ACBD3: variants seen among roughly 807,000 people sequenced by gnomAD.
ACBD3 encodes acyl-CoA binding domain containing 3.
In ACBD3, 30 loss-of-function variants were observed where a neutral mutation model predicts 66.9. That is an observed-to-expected ratio of 0.45 (90% CI 0.34 to 0.61). The LOEUF is 0.61. Among genes scored for constraint, ACBD3 ranks in the 20% least tolerant of loss-of-function variants. The pLI is 0.02. For missense variants in ACBD3, 544 were observed against 664.5 expected (o/e 0.82, Z 1.99); for synonymous variants, 278 against 259.8 (o/e 1.07, Z -0.68).
At chr1:226,150,382 CTTTTTT>C (rs961784244) in intron 7 of ACBD3, among the ~76,000 whole-genome samples, 1 of 151,470 alleles carries the variant, frequency 6.6e-6, no homozygotes, top group Non-Finnish European at 1.5e-5. Context: ...CAGGCTTTTT[CTTTTTT>C]TTATTTTTGA....
intron 1 of ACBD3, among the ~76,000 whole-genome samples, chr1:226,171,041 G>C (rs1165081334): frequency 6.6e-6 from 1 of 152,166 alleles, no homozygotes; most frequent in East Asian, 1.9e-4. Flanking sequence ...GGCTTCCAAA[G>C]TGCTGGGATT....
Position 226,152,404 on chromosome 1 carries a change from T to C in ACBD3, c.1306A>G (p.Thr436Ala). 8 of 1,614,238 alleles carry C rather than the reference T, an allele frequency of 5.0e-6. No homozygotes were observed. The highest frequency in any genetic ancestry group is 6.8e-6 in the Non-Finnish European group (8 of 1,180,048). The change falls in exon 7 of 8, where the codon ACA becomes GCA. Residue 436 changes from threonine (T) to alanine (A), a missense_variant. Physicochemically the swap from Thr to Ala is moderately conservative, Grantham distance 58 (BLOSUM62 0). Around this residue, in one of 3 missense-constraint regions of ACBD3, gnomAD observed 383 missense variants for 462.4 expected, o/e 0.83. Transcript: ENST00000366812. Reference sequence around the variant, plus strand: ...CTGACAGCAGTGTTTGGAGAGTCTGTCCATTCAAAATACACCCCAAACCCA... The same window carrying C: ...CTGACAGCAGTGTTTGGAGAGTCTGCCCATTCAAAATACACCCCAAACCCA... Reference protein sequence around the residue: ...DIGFGVYFEWTDSPNTAVSVH... With the variant: ...DIGFGVYFEWADSPNTAVSVH...
Position 226,164,850 on chromosome 1 carries a change from G to A in ACBD3, c.508C>T (p.His170Tyr), listed in dbSNP as rs1279181879. 1 of 1,610,968 alleles carries A rather than the reference G, an allele frequency of 6.2e-7. No homozygotes were observed. The highest frequency in any genetic ancestry group is 8.5e-7 in the Non-Finnish European group (1 of 1,178,686). ...GACGCAACATATGTTGAAAAGAGAT[G>A]GCAACACCTATTTAAGAGCTTGACA... ...EFVKLLNRCC[H>Y]LFSTYVASHK... The change falls in exon 3 of 8, where the codon CAT becomes TAT. Residue 170 changes from histidine (H) to tyrosine (Y), a missense_variant. By Grantham distance (83) the His-to-Tyr change is moderately conservative (BLOSUM62 2). Coordinates refer to ENST00000366812, the MANE Select transcript of ACBD3 (RefSeq NM_022735.4).
intron 1 of ACBD3, among the ~76,000 whole-genome samples, chr1:226,173,792 A>G (rs1655933946): frequency 9.0e-6 from 1 of 110,918 alleles, no homozygotes; most frequent in African/African-American, 3.7e-5. Context: ...ACAGAGTCTC[A>G]CTCTGTTGCC....
At chr1:226,164,116 T>TAAAAAAAAAAAAAAAAAAAAAA in intron 3 of ACBD3, among the ~76,000 whole-genome samples, 1 of 51,556 alleles carries the variant, frequency 1.9e-5, no homozygotes, top group Non-Finnish European at 3.3e-5. Flanking sequence ...GACTCCATCT[T>TAAAAAAAAAAAAAAAAAAAAAA]AAAAAAAAAA....
intron 1 of ACBD3, among the ~76,000 whole-genome samples, chr1:226,167,973 A>G (rs1659906409): frequency 6.6e-6 from 1 of 152,218 alleles, no homozygotes; most frequent in Non-Finnish European, 1.5e-5. Context: ...ATGAATGCTG[A>G]AAGTATAAAC....
intron 3 of ACBD3, among the ~76,000 whole-genome samples, chr1:226,163,888 A>G (rs944957284): frequency 6.6e-6 from 1 of 152,154 alleles, no homozygotes; most frequent in African/African-American, 2.4e-5. Flanking sequence ...TGGGAGGACC[A>G]GGCGGGTGGA....
At chr1:226,174,493 G>A (rs1165827269) in intron 1 of ACBD3, among the ~76,000 whole-genome samples, 3 of 152,178 alleles carry the variant, frequency 2.0e-5, no homozygotes, top group Non-Finnish European at 2.9e-5. Context: ...AGCCAGGTGT[G>A]GTGGCTCACG....
chr1:226,181,911 C>T (rs1296761631), intron 1 of ACBD3, among the ~76,000 whole-genome samples: 4 of 152,122 alleles, frequency 2.6e-5, no homozygotes. Flanking sequence ...GATAAGAAAA[C>T]CTAGCTTAAC....
intron 1 of ACBD3, among the ~76,000 whole-genome samples, chr1:226,168,252 T>C (rs1464593830): frequency 6.6e-6 from 1 of 152,120 alleles, no homozygotes; most frequent in Non-Finnish European, 1.5e-5. Flanking sequence ...CTGAATGTAT[T>C]CTACTCACCT....
chr1:226,150,789 C>T (rs142505010), intron 7 of ACBD3, among the ~76,000 whole-genome samples: 106 of 152,254 alleles, frequency 7.0e-4, no homozygotes, highest in African/African-American at 2.5e-3. Flanking sequence ...AACAAAATGC[C>T]GTGTAAGACA....
intron 1 of ACBD3, among the ~76,000 whole-genome samples, chr1:226,180,372 C>T (rs1334159682): frequency 6.6e-6 from 1 of 152,038 alleles, no homozygotes; most frequent in Non-Finnish European, 1.5e-5. Flanking sequence ...ATACCAATAG[C>T]CAGGCATTCT....
chr1:226,159,359 C>T lies in ACBD3; in HGVS notation c.729-1G>A. 6.2e-7 allele frequency: 1 copy of T among 1,613,868 alleles called. No individual in the cohort carries two copies. Among genetic ancestry groups the T allele is most frequent in the Non-Finnish European group, 8.5e-7 (1 of 1,179,902 alleles). On this transcript the variant is annotated splice_acceptor_variant, in intron 4 of 7. Coordinates refer to ENST00000366812, the MANE Select transcript of ACBD3 (RefSeq NM_022735.4). LOFTEE classifies it high-confidence loss of function. Reference sequence around the variant, plus strand: ...GTTTAAAGCTGCCATTATCTGCTGCCTAAAAACATTAAAAATATATATACT... The same window carrying T: ...GTTTAAAGCTGCCATTATCTGCTGCTTAAAAACATTAAAAATATATATACT...
rs987457160 is a variant in ACBD3 at position 226,156,690 on chromosome 1, A to G, written c.904-1857T>C. The stretch of plus-strand genomic sequence containing the variant: ...GCTAATATAGGTTAATAACACAATT[A>G]AGATTTTAAGATATCTTCTTCCAAG... On this transcript the variant is annotated intron_variant, in intron 5 of 7. Coordinates refer to ENST00000366812, the MANE Select transcript of ACBD3 (RefSeq NM_022735.4). Among the ~76,000 whole-genome samples, 7 of 152,350 alleles carry G rather than the reference A, an allele frequency of 4.6e-5. No individual in the cohort carries two copies. In the East Asian group the frequency reaches 1.2e-3, roughly 25 times the overall value.
At chr1:226,177,775 G>C (rs1432591706) in intron 1 of ACBD3, among the ~76,000 whole-genome samples, 2 of 150,264 alleles carry the variant, frequency 1.3e-5, no homozygotes, top group Non-Finnish European at 3.0e-5. Context: ...ACAGGGTCTT[G>C]CTCTGTAGCC....
chr1:226,146,310 T>G lies in ACBD3; in HGVS notation c.*300A>C. Reference sequence around the variant, plus strand: ...CAGCCGGGTAAGGTCAACGTTGGGGTGTTTTATTTTGGAGACTTTAAATAT... The same window carrying G: ...CAGCCGGGTAAGGTCAACGTTGGGGGGTTTTATTTTGGAGACTTTAAATAT... On this transcript the variant is annotated 3_prime_UTR_variant, in exon 8 of 8. Coordinates refer to ENST00000366812, the MANE Select transcript of ACBD3 (RefSeq NM_022735.4). The G allele has an allele frequency of 3.6e-6, 1 of 277,808 alleles. No individual in the cohort carries two copies. Among genetic ancestry groups the G allele is most frequent in the Non-Finnish European group, 6.9e-6 (1 of 145,638 alleles). The allele number at this position is 277,808 out of a possible 1,614,324, so 17.2% of individuals were successfully genotyped here. A position where few individuals can be genotyped will look rare whatever the true frequency, so the allele number is the denominator to read the frequency against.
intron 1 of ACBD3, among the ~76,000 whole-genome samples, chr1:226,166,352 C>T (rs1659878181): frequency 6.6e-6 from 1 of 151,878 alleles, no homozygotes; most frequent in Non-Finnish European, 1.5e-5. Context: ...AGGCTGGTCT[C>T]GAACTTTTGG....
chr1:226,177,716 G>A (rs770528405), intron 1 of ACBD3, among the ~76,000 whole-genome samples: 113 of 151,926 alleles, frequency 7.4e-4, no homozygotes, highest in Non-Finnish European at 1.3e-3. Context: ...AAGTGCAGAC[G>A]GATTTTTAGT....
intron 1 of ACBD3, among the ~76,000 whole-genome samples, chr1:226,178,903 C>G (rs1656113179): frequency 6.6e-6 from 1 of 152,152 alleles, no homozygotes; most frequent in Admixed American, 6.6e-5. Flanking sequence ...TGATTCTTAG[C>G]TCTTTATTCT....
Sources: allele counts gnomAD v4.1 joint callset (sites outside exome capture counted in the v4.1 genomes callset), GRCh38; gene constraint gnomAD v4.1.1; regional missense constraint gnomAD v4.1.1; transcripts MANE v1.5; gene names NCBI Gene and HGNC (gene_info 2026-07-23, HGNC 2026-07-21).